Variants in PACRGL observed in about 807,000 individuals in gnomAD.
PACRGL encodes the protein PACRG-like protein.
Under a neutral mutation model 34.5 loss-of-function variants are expected in PACRGL, and 38 were observed. The observed-to-expected ratio is 1.10, with a 90% CI of 0.85 to 1.44. The LOEUF is 1.44. PACRGL is among the 40% of genes most tolerant of loss of function. PACRGL has a pLI of 0.00. For synonymous variants in PACRGL, 128 were observed against 100.1 expected (o/e 1.28, Z -1.66); for missense variants, 305 against 281.4 (o/e 1.08, Z -0.60).
intron 5 of PACRGL, among the ~76,000 whole-genome samples, chr4:20,711,031 GA>G (rs530985056): frequency 1.6e-4 from 24 of 151,072 alleles, no homozygotes; most frequent in Admixed American, 1.6e-3. Flanking sequence ...CTACAAAAAA[GA>G]AAAAAAAGAA....
At chr4:20,716,631 G>C (rs1000231471) in intron 7 of PACRGL, among the ~76,000 whole-genome samples, 12 of 152,152 alleles carry the variant, frequency 7.9e-5, no homozygotes, top group African/African-American at 2.7e-4. Context: ...ATGGTTTCCA[G>C]CTTCATCCGT....
At chr4:20,748,263 A>C (rs866976383) in intron 8 of PACRGL, among the ~76,000 whole-genome samples, 59 of 151,938 alleles carry the variant, frequency 3.9e-4, no homozygotes, top group Middle Eastern at 3.2e-3. Context: ...TTGATGATTT[A>C]CACGTTTCCC....
At chr4:20,733,240 A>G (rs1748780769), downstream of PACRGL, among the ~76,000 whole-genome samples, 2 of 152,210 alleles carry the variant, frequency 1.3e-5, no homozygotes, top group South Asian at 4.1e-4. Flanking sequence ...CTTAAGGTTC[A>G]TTAGGGTTTT....
chr4:20,722,105 G>T (rs1046592402), intron 7 of PACRGL, among the ~76,000 whole-genome samples: 1 of 152,232 alleles, frequency 6.6e-6, no homozygotes, highest in African/African-American at 2.4e-5. Context: ...AGGCTCCATG[G>T]GCATGGGACT....
At chr4:20,755,809 A>T (rs2149353155), downstream of PACRGL, among the ~76,000 whole-genome samples, 1 of 152,276 alleles carries the variant, frequency 6.6e-6, no homozygotes, top group East Asian at 1.9e-4. Context: ...CAGAGGGAAC[A>T]GCAGGTTCAA....
At chr4:20,715,485 G>T (rs1047557917) in intron 7 of PACRGL, among the ~76,000 whole-genome samples, 3 of 151,856 alleles carry the variant, frequency 2.0e-5, no homozygotes, top group Non-Finnish European at 4.4e-5. Context: ...AAAATATACA[G>T]ATCGTTCATA....
intron 1 of PACRGL, among the ~76,000 whole-genome samples, chr4:20,703,019 T>A (rs1324117226): frequency 6.6e-6 from 1 of 152,224 alleles, no homozygotes; most frequent in East Asian, 1.9e-4. Flanking sequence ...GTTTGAGATA[T>A]CTGGCTAAAT....
chr4:20,760,067 C>CA, the PACRGL span, among the ~76,000 whole-genome samples: 1 of 152,128 alleles, frequency 6.6e-6, no homozygotes, highest in Non-Finnish European at 1.5e-5. Context: ...TATTTATTGA[C>CA]AAAAATCCAC....
At chr4:20,718,669 G>A (rs1243752660) in intron 7 of PACRGL, 4 of 152,180 alleles carry the variant, frequency 2.6e-5, no homozygotes, top group Non-Finnish European at 5.9e-5. Flanking sequence ...TGCATCCCAG[G>A]GATGAAGCTT....
chr4:20,714,835 A>T (rs1034223711), intron 7 of PACRGL, among the ~76,000 whole-genome samples: 3 of 152,214 alleles, frequency 2.0e-5, no homozygotes, highest in African/African-American at 7.2e-5. Flanking sequence ...GGAACTGTAA[A>T]GTAGTTCAAC....
At chr4:20,722,855 G>T (rs1190168836) in intron 7 of PACRGL, among the ~76,000 whole-genome samples, 1 of 152,172 alleles carries the variant, frequency 6.6e-6, no homozygotes, top group Non-Finnish European at 1.5e-5. Flanking sequence ...AAATTAAAGA[G>T]TTAGATAGGA....
chr4:20,754,982 T>C (rs1754258955), downstream of PACRGL, among the ~76,000 whole-genome samples: 4 of 152,290 alleles, frequency 2.6e-5, no homozygotes, highest in South Asian at 8.3e-4. Context: ...TCCATGGGTT[T>C]TAAACAATTT....
chr4:20,732,642 C>T (rs1259097256), downstream of PACRGL: 1 of 1,360,312 alleles, frequency 7.4e-7, no homozygotes, highest in Admixed American at 1.7e-5. Flanking sequence ...AAATTTTCTC[C>T]TAACTTCATG....
intron 7 of PACRGL, among the ~76,000 whole-genome samples, chr4:20,714,084 T>C (rs564787292): frequency 1.3e-5 from 2 of 152,248 alleles, no homozygotes; most frequent in East Asian, 3.9e-4. Context: ...ATCTGTCTAA[T>C]GTTGACAGTG....
At chr4:20,739,236 T>G (rs1384834437) in intron 8 of PACRGL, among the ~76,000 whole-genome samples, 2 of 152,158 alleles carry the variant, frequency 1.3e-5, no homozygotes, top group African/African-American at 4.8e-5. Flanking sequence ...AAGAGAGTAG[T>G]TCTCCCAGCA....
At chr4:20,750,642 CTG>C (rs1364631379) in intron 8 of PACRGL, among the ~76,000 whole-genome samples, 10 of 152,084 alleles carry the variant, frequency 6.6e-5, no homozygotes, top group African/African-American at 2.4e-4. Flanking sequence ...ATTTAAAAGT[CTG>C]TATTTTTTCC....
intron 8 of PACRGL, among the ~76,000 whole-genome samples, chr4:20,746,643 ATTATC>A (rs1396115111): frequency 6.6e-6 from 1 of 152,088 alleles, no homozygotes; most frequent in East Asian, 1.9e-4. Flanking sequence ...TCATTTTTAC[ATTATC>A]TTATTAAGTA....
At chr4:20,715,363 T>C (rs933167844) in intron 7 of PACRGL, among the ~76,000 whole-genome samples, 3 of 151,958 alleles carry the variant, frequency 2.0e-5, no homozygotes, top group African/African-American at 4.8e-5. Flanking sequence ...GCATGGCACA[T>C]GTATACATAT....
At chr4:20,766,026 A>C in the PACRGL span, among the ~76,000 whole-genome samples, 1 of 152,226 alleles carries the variant, frequency 6.6e-6, no homozygotes, top group Non-Finnish European at 1.5e-5. Context: ...TTGATATTTT[A>C]TAATTATTAA....
Sources: allele counts gnomAD v4.1 joint callset (sites outside exome capture counted in the v4.1 genomes callset), GRCh38; gene constraint gnomAD v4.1.1; transcripts MANE v1.5; gene names NCBI Gene and HGNC (gene_info 2026-07-23, HGNC 2026-07-21).